The following CTIF variants were observed in gnomAD, a reference collection of about 807,000 sequenced individuals.
CTIF encodes the protein cap binding complex dependent translation initiation factor.
In CTIF, 21 loss-of-function variants were observed where a neutral mutation model predicts 66.0. The ratio of observed to expected loss-of-function variants is 0.32; its 90% confidence interval spans 0.23 to 0.46. The LOEUF is 0.46. CTIF is among the 20% of genes least tolerant of loss of function. CTIF has a pLI of 1.00. For synonymous variants in CTIF, 345 were observed against 326.4 expected, an observed-to-expected ratio of 1.06 and a Z score of -0.62; for missense variants, 739 against 812.7, an observed-to-expected ratio of 0.91 and a Z score of 1.10.
At chr18:48,667,890 A>G (rs1378731437) in intron 5 of CTIF, among the ~76,000 whole-genome samples, 5 of 152,184 alleles carry the variant, frequency 3.3e-5, no homozygotes, top group African/African-American at 1.2e-4. Flanking sequence ...ACCCCCTTAG[A>G]GTCCTGCTGT....
At chr18:48,737,346 A>G (rs12604768) in intron 7 of CTIF, among the ~76,000 whole-genome samples, 39,389 of 152,078 alleles carry the variant, frequency 0.26, 5,933 homozygotes, top group East Asian at 0.65. Flanking sequence ...ATCTCACAAG[A>G]CCCCACTCTG....
chr18:48,767,510 C>T (rs1163282603), intron 9 of CTIF, among the ~76,000 whole-genome samples: 1 of 152,048 alleles, frequency 6.6e-6, no homozygotes, highest in African/African-American at 2.4e-5. Context: ...CTATGCAGAG[C>T]AAAGTATTAT....
At chr18:48,721,539 GC>G (rs1347215817) in intron 7 of CTIF, among the ~76,000 whole-genome samples, 1 of 152,230 alleles carries the variant, frequency 6.6e-6, no homozygotes, top group Non-Finnish European at 1.5e-5. Flanking sequence ...CTGGTGGGCA[GC>G]CCAGGCCCAG....
rs561942361 is a variant in CTIF at position 48,808,933 on chromosome 18, G to A, written c.1372-8288G>A. ...TTTCTCCCAAAAAAGTTCACATTGG[G>A]ATATGGAGTACAGATTGATATTAAA... On this transcript the variant is annotated intron_variant, in intron 9 of 11. Transcript: ENST00000256413. Among the ~76,000 whole-genome samples, 4 of 152,220 alleles carry A rather than the reference G, an allele frequency of 2.6e-5. No homozygotes were observed. In the East Asian group the frequency reaches 7.7e-4, roughly 29 times the overall value.
intron 9 of CTIF, among the ~76,000 whole-genome samples, chr18:48,765,993 T>G (rs918641164): frequency 6.6e-6 from 1 of 151,668 alleles, no homozygotes; most frequent in East Asian, 1.9e-4. Context: ...AGGGTACATG[T>G]GCACAACATG....
chr18:48,701,941 A>G (rs1323056057), intron 6 of CTIF, among the ~76,000 whole-genome samples: 1 of 152,244 alleles, frequency 6.6e-6, no homozygotes, highest in Non-Finnish European at 1.5e-5. Flanking sequence ...GTTGCAAGCG[A>G]CAGAAACCCA....
intron 1 of CTIF, among the ~76,000 whole-genome samples, chr18:48,540,792 G>T (rs1438467274): frequency 1.3e-5 from 2 of 152,130 alleles, no homozygotes; most frequent in Non-Finnish European, 2.9e-5. Context: ...CCGATCCTCC[G>T]CGCGACCTGT....
At chr18:48,824,001 C>A (rs1474682522) in intron 10 of CTIF, among the ~76,000 whole-genome samples, 2 of 145,960 alleles carry the variant, frequency 1.4e-5, no homozygotes, top group Non-Finnish European at 3.0e-5. Context: ...CACACACACA[C>A]ACACACACAC....
At chr18:48,787,977 T>G (rs946299444) in intron 9 of CTIF, among the ~76,000 whole-genome samples, 6 of 152,126 alleles carry the variant, frequency 3.9e-5, no homozygotes, top group African/African-American at 1.4e-4. Context: ...GGGGGTGACA[T>G]GGGCAGGATC....
chr18:48,700,158 TAGTG>T (rs1020158016), intron 6 of CTIF, among the ~76,000 whole-genome samples: 3 of 152,162 alleles, frequency 2.0e-5, no homozygotes, highest in Admixed American at 6.5e-5. Context: ...GTTCTCATGG[TAGTG>T]AGTAAGTTTC....
chr18:48,715,214 T>C, intron 7 of CTIF, among the ~76,000 whole-genome samples: 1 of 152,066 alleles, frequency 6.6e-6, no homozygotes, highest in Non-Finnish European at 1.5e-5. Flanking sequence ...TGCCATGGGC[T>C]GCGTCTAGTG....
chr18:48,551,947 G>A (rs538950181), intron 1 of CTIF, among the ~76,000 whole-genome samples: 40 of 152,142 alleles, frequency 2.6e-4, no homozygotes, highest in Non-Finnish European at 5.1e-4. Context: ...ACAGGCGCCC[G>A]CCACCACGCC....
intron 1 of CTIF, among the ~76,000 whole-genome samples, chr18:48,586,276 CTTT>C (rs545720420): frequency 5.8e-5 from 8 of 138,474 alleles, no homozygotes; most frequent in Non-Finnish European, 6.3e-5. Flanking sequence ...CACACTTTTA[CTTT>C]TTTTTTTTTT....
At chr18:48,599,329 G>GT (rs34987708) in intron 1 of CTIF, among the ~76,000 whole-genome samples, 36 of 147,386 alleles carry the variant, frequency 2.4e-4, no homozygotes, top group East Asian at 9.9e-4. Context: ...CCTCTTAAAG[G>GT]TTTTTTTTTT....
At chr18:48,816,232 G>A (rs75869771) in intron 9 of CTIF, among the ~76,000 whole-genome samples, 14,166 of 152,106 alleles carry the variant, frequency 0.093, 780 homozygotes, top group East Asian at 0.21. Context: ...AATATTTAAC[G>A]CCTCACATCA....
At chr18:48,714,661 G>T (rs980454626) in intron 7 of CTIF, among the ~76,000 whole-genome samples, 10 of 152,190 alleles carry the variant, frequency 6.6e-5, no homozygotes, top group African/African-American at 2.4e-4. Flanking sequence ...AGGGGTTTTT[G>T]TGTGCCTTAC....
chr18:48,856,458 G>T (rs1408006137), intron 10 of CTIF, among the ~76,000 whole-genome samples: 1 of 152,186 alleles, frequency 6.6e-6, no homozygotes, highest in Non-Finnish European at 1.5e-5. Flanking sequence ...CCTGGTACAC[G>T]AAGGTTCATA....
In CTIF at chr18:48,619,576, CCT is replaced by C; in HGVS notation, c.14_15del (p.Ser5CysfsTer38). On this transcript the variant is annotated frameshift_variant, in exon 2 of 12. Coordinates refer to ENST00000256413, the MANE Select transcript of CTIF (RefSeq NM_014772.3). LOFTEE classifies it high-confidence loss of function. Reference sequence around the variant, plus strand: ...CCCTGAGCTGGAGGGATGGAAAACTCCTCTGCAGCATCAGCCTCCTCGGAGGC... The same window carrying C: ...CCCTGAGCTGGAGGGATGGAAAACTCCTGCAGCATCAGCCTCCTCGGAGGC... 6.4e-7 allele frequency: 1 copy of C among 1,571,652 alleles called. No homozygotes were observed. Among genetic ancestry groups the C allele is most frequent in the Non-Finnish European group, 8.6e-7 (1 of 1,158,948 alleles).
At chr18:48,813,686 C>T (rs918240174) in intron 9 of CTIF, among the ~76,000 whole-genome samples, 2 of 152,224 alleles carry the variant, frequency 1.3e-5, no homozygotes, top group Non-Finnish European at 2.9e-5. Flanking sequence ...TCTCTTGATG[C>T]CATGGATGAT....
Sources: gnomAD v4.1 joint callset for allele counts (sites outside exome capture counted in the v4.1 genomes callset) on GRCh38, gnomAD v4.1.1 for gene constraint, MANE v1.5 for transcripts, NCBI Gene and HGNC (gene_info 2026-07-23, HGNC 2026-07-21) for gene names.